SETBP1: variants seen among roughly 807,000 people sequenced by gnomAD.
SETBP1 encodes the protein SET-binding protein.
A neutral mutation model predicts 101.0 loss-of-function variants in SETBP1; 9 were observed. The ratio of observed to expected loss-of-function variants is 0.09; its 90% CI spans 0.05 to 0.16. The LOEUF (loss-of-function observed/expected upper bound fraction) is 0.16. Ranked by LOEUF, SETBP1 falls within the 10% of genes least tolerant of loss-of-function variation. The probability of loss-of-function intolerance (pLI) is 1.00; values close to 1 mark genes in which losing one functional copy is unlikely to be tolerated. For synonymous variants in SETBP1, 818 were observed against 788.5 expected (o/e 1.04, Z -0.63); for missense variants, 1,858 against 2,033.8 (o/e 0.91, Z 1.66).
chr18:44,915,017 G>A (rs1050486633), intron 3 of SETBP1, among the ~76,000 whole-genome samples: 1 of 152,030 alleles, frequency 6.6e-6, no homozygotes, highest in Admixed American at 6.6e-5. Context: ...AATGGTTCAG[G>A]TTGCAACTGA....
At chr18:44,868,154 C>T (rs565916208) in intron 2 of SETBP1, among the ~76,000 whole-genome samples, 8 of 152,102 alleles carry the variant, frequency 5.3e-5, no homozygotes, top group Admixed American at 2.0e-4. Context: ...TATTTAAAAC[C>T]GTAACTTTAG....
chr18:44,789,049 C>T (rs974289572), intron 2 of SETBP1, among the ~76,000 whole-genome samples: 12 of 152,012 alleles, frequency 7.9e-5, no homozygotes, highest in Admixed American at 2.6e-4. Flanking sequence ...GTAATTCACC[C>T]GCCTTGACCT....
rs544868390 is a variant in SETBP1 at position 44,841,814 on chromosome 18, G to A, written c.487-27416G>A. On this transcript the variant is annotated intron_variant, in intron 2 of 5. Coordinates refer to ENST00000649279, the MANE Select transcript of SETBP1 (RefSeq NM_015559.3). ...TTATCACCTCTTTTCACCTATTAGA[G>A]TTCTCTGAAGGATCGGATTACCTTG... Among the ~76,000 whole-genome samples the A allele has an allele frequency of 2.0e-5, 3 of 152,278 alleles. No individual in the cohort carries two copies. In the South Asian group the frequency reaches 6.2e-4, roughly 32 times the overall value.
At chr18:44,807,328 G>A (rs1297275060) in intron 2 of SETBP1, among the ~76,000 whole-genome samples, 1 of 150,150 alleles carries the variant, frequency 6.7e-6, no homozygotes, top group African/African-American at 2.5e-5. Context: ...TTCATCTTCT[G>A]CTAAAGTATT....
In SETBP1 at chr18:44,952,193, C is replaced by G; in HGVS notation, c.2853C>G (p.Leu951=). ...AAAGCCTGCAAAACCGCGATGACCT[C>G]CAGTTTCTGGCAGACCTGGAGGAGC... ...KRKSLQNRDD[L]QFLADLEELI... The change falls in exon 4 of 6, where the codon CTC becomes CTG. Residue 951 remains leucine, a synonymous_variant. Coordinates refer to ENST00000649279, the MANE Select transcript of SETBP1 (RefSeq NM_015559.3). 3 of 1,614,188 alleles carry G rather than the reference C, an allele frequency of 1.9e-6. No homozygotes were observed. The highest frequency in any genetic ancestry group is 1.1e-5 in the South Asian group (1 of 91,076).
chr18:44,952,152 C>A lies in SETBP1; in HGVS notation c.2812C>A (p.His938Asn). The A allele has an allele frequency of 6.2e-7, 1 of 1,614,120 alleles. No individual in the cohort carries two copies. The highest frequency in any genetic ancestry group is 8.5e-7 in the Non-Finnish European group (1 of 1,180,036). The part of the protein sequence containing the change: ...LAHESLKKPK[H>N]KRKRKSLQNR... ...CCACGAAAGCCTCAAGAAGCCAAAG[C>A]ACAAGAGGAAACGGAAAAGCCTGCA... Residue 938 changes from histidine to asparagine, a missense_variant, in exon 4 of 6, where the codon CAC (histidine) becomes AAC (asparagine). His to Asn is a moderately conservative substitution (Grantham distance 68). Transcript: ENST00000649279.
At chr18:44,861,969 A>G (rs896032564) in intron 2 of SETBP1, among the ~76,000 whole-genome samples, 23 of 152,228 alleles carry the variant, frequency 1.5e-4, no homozygotes, top group African/African-American at 5.3e-4. Flanking sequence ...CAGTGAGTCT[A>G]TATCAGGGCA....
At chr18:44,788,740 G>T (rs1376573425) in intron 2 of SETBP1, among the ~76,000 whole-genome samples, 2 of 146,872 alleles carry the variant, frequency 1.4e-5, no homozygotes, top group Non-Finnish European at 3.0e-5. Flanking sequence ...TCATTTAAAT[G>T]TAAGAACAAC....
At position 44,863,449 on chromosome 18, in the gene SETBP1, G is replaced by A. The variant is rs547864657; in HGVS notation, c.487-5781G>A. The stretch of plus-strand genomic sequence containing the variant: ...GCCCCCTGCACACATATGATTAGAT[G>A]TTTGCCTCGGCTTGCTGGAACAATT... On this transcript the variant is annotated intron_variant, in intron 2 of 5. Coordinates refer to ENST00000649279, the MANE Select transcript of SETBP1 (RefSeq NM_015559.3). 3.9e-5 allele frequency among the ~76,000 whole-genome samples: 6 copies of A among 152,342 alleles called. No homozygotes were observed. The East Asian group carries it at 1.2e-3, about 29-fold the overall frequency.
chr18:44,827,575 G>C (rs567349532), intron 2 of SETBP1, among the ~76,000 whole-genome samples: 1 of 152,230 alleles, frequency 6.6e-6, no homozygotes, highest in South Asian at 2.1e-4. Flanking sequence ...TTGCCCCTAT[G>C]CTAGGGTTTG....
At position 44,950,024 on chromosome 18, in the gene SETBP1, C is replaced by T. The variant is rs149073567; in HGVS notation, c.684C>T (p.Ser228=). 100 of 1,614,160 alleles carry T rather than the reference C, an allele frequency of 6.2e-5. No individual in the cohort carries two copies. The highest frequency in any genetic ancestry group is 4.0e-4 in the African/African-American group (30 of 75,048). Residue 228 remains serine, a synonymous_variant, in exon 4 of 6, where the codon AGC becomes AGT. Transcript: ENST00000649279. ...NHMDWSTNSD[S]GPVTQNCFIS... is the part of the protein sequence containing the mutation. Reference sequence around the variant, plus strand: ...TGGACTGGTCCACCAACTCTGACAGCGGACCCGTCACTCAGAATTGCTTCA... The same window carrying T: ...TGGACTGGTCCACCAACTCTGACAGTGGACCCGTCACTCAGAATTGCTTCA...
intron 3 of SETBP1, among the ~76,000 whole-genome samples, chr18:44,883,854 T>A (rs2069583762): frequency 6.6e-6 from 1 of 152,166 alleles, no homozygotes; most frequent in Admixed American, 6.5e-5. Context: ...CACTCTAACA[T>A]CTCTTTCCTC....
At chr18:44,734,677 G>A (rs2069924630) in intron 2 of SETBP1, among the ~76,000 whole-genome samples, 1 of 151,834 alleles carries the variant, frequency 6.6e-6, no homozygotes, top group South Asian at 2.1e-4. Context: ...TTCCTTCCTG[G>A]TGTCCTCAGC....
At chr18:44,730,067 A>G (rs1317814025) in intron 2 of SETBP1, among the ~76,000 whole-genome samples, 1 of 152,202 alleles carries the variant, frequency 6.6e-6, no homozygotes, top group East Asian at 1.9e-4. Context: ...TCAGCGTGGA[A>G]CATCTGCAGA....
chr18:44,883,251 A>G (rs970047957), intron 3 of SETBP1, among the ~76,000 whole-genome samples: 2 of 152,192 alleles, frequency 1.3e-5, no homozygotes, highest in Non-Finnish European at 2.9e-5. Flanking sequence ...CTGAGATGCA[A>G]TTTATCAAAA....
intron 3 of SETBP1, among the ~76,000 whole-genome samples, chr18:44,922,995 A>G (rs1215389826): frequency 6.6e-6 from 1 of 152,202 alleles, no homozygotes; most frequent in Non-Finnish European, 1.5e-5. Context: ...TTCTCAAACC[A>G]TGGATTAACC....
chr18:45,026,101 T>C (rs557395920), intron 4 of SETBP1, among the ~76,000 whole-genome samples: 1 of 152,326 alleles, frequency 6.6e-6, no homozygotes, highest in Admixed American at 6.5e-5. Flanking sequence ...CTACAAAAGA[T>C]GCTTATATTA....
At chr18:44,822,880 G>A (rs1437373254) in intron 2 of SETBP1, among the ~76,000 whole-genome samples, 1 of 152,176 alleles carries the variant, frequency 6.6e-6, no homozygotes, top group Non-Finnish European at 1.5e-5. Flanking sequence ...GGCTGGGCAC[G>A]GTGGCTCACA....
intron 4 of SETBP1, among the ~76,000 whole-genome samples, chr18:45,012,434 G>A (rs2072858300): frequency 6.6e-6 from 1 of 152,068 alleles, no homozygotes; most frequent in African/African-American, 2.4e-5. Flanking sequence ...GTGTGAGTGT[G>A]GGGAATAGTG....
Sources: allele counts gnomAD v4.1 joint callset (sites outside exome capture counted in the v4.1 genomes callset), GRCh38; gene constraint gnomAD v4.1.1; transcripts MANE v1.5; gene names NCBI Gene and HGNC (gene_info 2026-07-23, HGNC 2026-07-21).